UHRF1: variants seen among roughly 807,000 people sequenced by gnomAD.
The protein encoded by UHRF1 is E3 ubiquitin-protein ligase UHRF1.
In UHRF1, 9 loss-of-function variants were observed where a neutral mutation model predicts 96.5. The ratio of observed to expected loss-of-function variants is 0.09; its 90% CI spans 0.06 to 0.16. UHRF1 has a LOEUF of 0.16. UHRF1 is among the 10% of genes least tolerant of loss of function. The probability of loss-of-function intolerance (pLI) is 1.00; values close to 1 mark genes in which losing one functional copy is unlikely to be tolerated. For missense variants in UHRF1, 626 were observed against 1,131.1 expected (o/e 0.55, Z 6.40); for synonymous variants, 455 against 469.9 (o/e 0.97, Z 0.41).
At position 4,930,647 on chromosome 19, in the gene UHRF1, G is replaced by C. The variant is rs1267715141; in HGVS notation, c.409-69G>C. The C allele has an allele frequency of 1.3e-6, 2 of 1,551,042 alleles. No individual in the cohort carries two copies. The highest frequency in any genetic ancestry group is 1.8e-6 in the Non-Finnish European group (2 of 1,141,860). On this transcript the variant is annotated intron_variant, in intron 3 of 16. Transcript: ENST00000650932. This position sits in a 1 kb window ranked among gnomAD's most constrained non-coding sequence, Gnocchi z 4.4. ...GGTTCCAGAGCATCCCAGTGTCCGA[G>C]AACCAAGGTGGTCTCCCGTCAGTTT... is the stretch of plus-strand genomic sequence containing the variant.
At position 4,932,759 on chromosome 19, in the gene UHRF1, G is replaced by T. The variant is rs1219238147; in HGVS notation, c.588G>T (p.Val196=). ...VKYDDYPENG[V]VQMNSRDVRA... is the part of the protein sequence containing the mutation. Reference sequence around the variant, plus strand: ...CTCCCAGCTACCCGGAGAACGGCGTGGTCCAGATGAACTCCAGGGACGTCC... The same window carrying T: ...CTCCCAGCTACCCGGAGAACGGCGTTGTCCAGATGAACTCCAGGGACGTCC... The change falls in exon 5 of 17, where the codon GTG becomes GTT. Residue 196 remains valine (V), a synonymous_variant. Coordinates refer to ENST00000650932, the MANE Select transcript of UHRF1 (RefSeq NM_001048201.3). The T allele has an allele frequency of 6.2e-7, 1 of 1,613,720 alleles. No homozygotes were observed. The highest frequency in any genetic ancestry group is 1.3e-5 in the African/African-American group (1 of 74,932).
chr19:4,925,484 T>C (rs528446904), intron 2 of UHRF1, among the ~76,000 whole-genome samples: 22 of 152,326 alleles, frequency 1.4e-4, no homozygotes, highest in African/African-American at 5.3e-4. Flanking sequence ...TTGCTCCTTT[T>C]CATGGCTGAG....
At chr19:4,942,962 A>G (rs1181634156) in intron 7 of UHRF1, among the ~76,000 whole-genome samples, 1 of 151,314 alleles carries the variant, frequency 6.6e-6, no homozygotes, top group Non-Finnish European at 1.5e-5. Context: ...AAATGAGGTC[A>G]GGTGCAGTGG....
intron 4 of UHRF1, among the ~76,000 whole-genome samples, chr19:4,932,059 G>T (rs1186204929): frequency 3.3e-5 from 5 of 152,176 alleles, no homozygotes; most frequent in African/African-American, 1.2e-4. Context: ...CTCCCGAGTA[G>T]CTGGGATTAC....
At chr19:4,918,325 T>C (rs986349897) in intron 2 of UHRF1, among the ~76,000 whole-genome samples, 2 of 152,062 alleles carry the variant, frequency 1.3e-5, no homozygotes, top group African/African-American at 4.8e-5. Context: ...TTTCACCACG[T>C]TGGCCAGGTT....
intron 5 of UHRF1, among the ~76,000 whole-genome samples, chr19:4,938,219 A>T (rs2033274046): frequency 6.6e-6 from 1 of 151,698 alleles, no homozygotes; most frequent in Admixed American, 6.6e-5. Context: ...CTTCTGGAGG[A>T]GCTTTTATGA....
upstream of UHRF1, among the ~76,000 whole-genome samples, chr19:4,905,663 A>G (rs1294970732): frequency 2.0e-5 from 3 of 151,912 alleles, no homozygotes; most frequent in African/African-American, 7.3e-5. Context: ...GATTATAGGC[A>G]CGTGCCACCA....
In UHRF1 at chr19:4,954,576, C is replaced by T. The variant is rs1250521965; in HGVS notation, c.1958-74C>T. On this transcript the variant is annotated intron_variant, in intron 14 of 16. Coordinates refer to ENST00000650932, the MANE Select transcript of UHRF1 (RefSeq NM_001048201.3). The surrounding 1 kb of genome is among the most constrained non-coding windows in gnomAD (Gnocchi z 5.9). ...GGGTGTGGGGTTGAGGTCGTGTGGA[C>T]GTGGGAGCCGGTGGCTGTCTCTCCG... The T allele has an allele frequency of 4.6e-5, 73 of 1,588,776 alleles. No individual in the cohort carries two copies. Among genetic ancestry groups the T allele is most frequent in the East Asian group, 6.7e-5 (3 of 44,580 alleles).
At chr19:4,907,957 C>A (rs1053212910), upstream of UHRF1, among the ~76,000 whole-genome samples, 2 of 152,142 alleles carry the variant, frequency 1.3e-5, no homozygotes, top group South Asian at 4.1e-4. Flanking sequence ...GGTGATCTGC[C>A]TGCCTCGGCC....
rs369519506 is a variant in UHRF1 at position 4,941,563 on chromosome 19, T to C, written c.821T>C (p.Val274Ala). ...DSLNDCRIIF[V>A]DEVFKIERPG... ...CTGAACGACTGTCGGATCATCTTCG[T>C]GGACGAAGTCTTCAAGATTGAGCGG... The change falls in exon 6 of 17, where the codon GTG (valine) becomes GCG (alanine). Residue 274 changes from valine to alanine, a missense_variant. Coordinates refer to ENST00000650932, the MANE Select transcript of UHRF1 (RefSeq NM_001048201.3). The C allele has an allele frequency of 7.3e-5, 118 of 1,613,666 alleles. No individual in the cohort carries two copies. Among genetic ancestry groups the C allele is most frequent in the Non-Finnish European group, 9.5e-5 (112 of 1,179,806 alleles).
intron 4 of UHRF1, among the ~76,000 whole-genome samples, chr19:4,931,895 G>A (rs2033064228): frequency 6.6e-6 from 1 of 152,178 alleles, no homozygotes; most frequent in Non-Finnish European, 1.5e-5. Context: ...CAAGTGGCTG[G>A]GACTACAGGC....
chr19:4,920,216 G>A (rs1336176059), intron 2 of UHRF1, among the ~76,000 whole-genome samples: 2 of 152,122 alleles, frequency 1.3e-5, no homozygotes, highest in South Asian at 4.1e-4. Context: ...CAGATCACCT[G>A]AGGTCGGGAG....
At chr19:4,949,275 A>T (rs892955248) in intron 11 of UHRF1, among the ~76,000 whole-genome samples, 1 of 152,208 alleles carries the variant, frequency 6.6e-6, no homozygotes, top group African/African-American at 2.4e-5. Flanking sequence ...GTAAAATAGC[A>T]TTCCACTGTT....
chr19:4,931,835 A>G (rs1247247682), intron 4 of UHRF1, among the ~76,000 whole-genome samples: 2 of 151,284 alleles, frequency 1.3e-5, no homozygotes, highest in Non-Finnish European at 2.9e-5. Flanking sequence ...ATCTTGGCTC[A>G]TTGCACCCTC....
At position 4,936,221 on chromosome 19, in the gene UHRF1, G is replaced by A. The variant is rs114917952; in HGVS notation, c.785+3265G>A. ...TGCAGTGAGAGGGTCACGCTGAGCC[G>A]AGTTGTGCCTCGCAATGAGTTTGTG... On this transcript the variant is annotated intron_variant, in intron 5 of 16. Transcript: ENST00000650932. 5.5e-3 allele frequency among the ~76,000 whole-genome samples: 843 copies of A among 152,280 alleles called. 5 individuals are homozygous for A. The highest frequency in any genetic ancestry group is 0.019 in the African/African-American group (801 of 41,558).
rs1283028902 is a variant in UHRF1 at position 4,945,863 on chromosome 19, C to T, written c.1308C>T (p.Val436=). 6.2e-7 allele frequency: 1 copy of T among 1,605,464 alleles called. No individual in the cohort carries two copies. Among genetic ancestry groups the T allele is most frequent in the African/African-American group, 1.3e-5 (1 of 74,500 alleles). Residue 436 remains valine (V), a splice_region_variant and synonymous_variant, in exon 10 of 17, where the codon GTC becomes GTT. Transcript: ENST00000650932. ...VGTMWRFRVQ[V]SESGVHRPHV... is the part of the protein sequence containing the mutation. ...GTATATCTTGGTGGCATCCTCAGGT[C>T]AGCGAGTCGGGTGTCCATCGGCCCC...
intron 2 of UHRF1, among the ~76,000 whole-genome samples, chr19:4,926,461 C>T (rs1249512120): frequency 1.3e-5 from 2 of 152,272 alleles, no homozygotes; most frequent in African/African-American, 2.4e-5. Context: ...TCGATGTCCA[C>T]GGTGGGTTTC....
chr19:4,955,723 G>A (rs2033840574), intron 15 of UHRF1, among the ~76,000 whole-genome samples: 1 of 151,882 alleles, frequency 6.6e-6, no homozygotes, highest in South Asian at 2.1e-4. Context: ...AGCAGGAGGA[G>A]GTGTCTTTCG....
At position 4,912,630 on chromosome 19, in the gene UHRF1, C is replaced by T. The variant is rs527762024; in HGVS notation, c.153+1592C>T. 1.1e-4 allele frequency among the ~76,000 whole-genome samples: 17 copies of T among 152,278 alleles called. No individual in the cohort carries two copies. The East Asian group carries it at 2.5e-3, about 22-fold the overall frequency. On this transcript the variant is annotated intron_variant, in intron 2 of 16. Coordinates refer to ENST00000650932, the MANE Select transcript of UHRF1 (RefSeq NM_001048201.3). ...GAAGCGCTCTGTCTTTCTCTCTGCC[C>T]GCCAATCCATCTTTTTGGGATGCAT... is the stretch of plus-strand genomic sequence containing the variant.
Sources: allele counts gnomAD v4.1 joint callset (sites outside exome capture counted in the v4.1 genomes callset), GRCh38; gene constraint gnomAD v4.1.1; non-coding constraint Gnocchi (gnomAD v3.1); transcripts MANE v1.5; gene names NCBI Gene and HGNC (gene_info 2026-07-23, HGNC 2026-07-21).